Variants in BRF1 observed in about 807,000 individuals in gnomAD.
BRF1 encodes BRF1 general transcription factor IIIB subunit, also known as transcription factor IIIB 90 kDa subunit.
In BRF1, 59 loss-of-function variants were observed where a neutral mutation model predicts 81.7. The observed-to-expected ratio is 0.72, with a 90% CI of 0.59 to 0.90. The LOEUF (loss-of-function observed/expected upper bound fraction) is 0.90, where lower values mean the gene tolerates loss of function less well. Among genes scored for constraint, BRF1 ranks in the 40% least tolerant of loss-of-function variants. The pLI is 0.00. For missense variants in BRF1, 1,050 were observed against 936.3 expected (o/e 1.12, Z -1.58); for synonymous variants, 491 against 395.6 (o/e 1.24, Z -2.86).
intron 2 of BRF1, among the ~76,000 whole-genome samples, chr14:105,277,520 C>G (rs1337323414): frequency 7.7e-6 from 1 of 130,178 alleles, no homozygotes; most frequent in Admixed American, 7.5e-5. Flanking sequence ...AGAGGCGGCC[C>G]TCACTAGAGA....
At chr14:105,299,185 A>C (rs72711563) in intron 1 of BRF1, among the ~76,000 whole-genome samples, 2 of 152,104 alleles carry the variant, frequency 1.3e-5, no homozygotes, top group Admixed American at 6.6e-5. Context: ...AAGAAAAAAA[A>C]CTTCTGCTTT....
chr14:105,214,672 G>A (rs980370754), intron 15 of BRF1, among the ~76,000 whole-genome samples: 1 of 152,168 alleles, frequency 6.6e-6, no homozygotes, highest in African/African-American at 2.4e-5. Flanking sequence ...AAAGAGAAAG[G>A]GGGTGCAGCT....
chr14:105,211,257 G>A lies in BRF1; in HGVS notation c.1861C>T (p.Pro621Ser). 6.2e-7 allele frequency: 1 copy of A among 1,607,556 alleles called. No individual in the cohort carries two copies. Among genetic ancestry groups the A allele is most frequent in the Non-Finnish European group, 8.5e-7 (1 of 1,177,340 alleles). Residue 621 changes from proline to serine, a missense_variant, in exon 17 of 18, where the codon CCT (proline) becomes TCT (serine). By Grantham distance (74) the Pro-to-Ser change is moderately conservative. Transcript: ENST00000547530. The stretch of plus-strand genomic sequence containing the variant: ...ACCAGCACCGCCTGGGGCCTGGCAG[G>A]CTCAGCTCCGAGGGTGGGAGAGCTT... ...LPSSPTLGAE[P>S]ARPQAVLVES...
At chr14:105,250,890 A>C (rs930212037) in intron 5 of BRF1, 3 of 586,498 alleles carry the variant, frequency 5.1e-6, no homozygotes, top group Non-Finnish European at 9.2e-6. Flanking sequence ...TCTCAGGTGG[A>C]GGAAGATTTA....
At chr14:105,263,336 C>T (rs914572112) in intron 3 of BRF1, among the ~76,000 whole-genome samples, 2 of 151,786 alleles carry the variant, frequency 1.3e-5, no homozygotes, top group African/African-American at 4.8e-5. Context: ...CAGCCAGACA[C>T]GAGGGGCCAA....
chr14:105,218,013 C>T (rs1170929193), intron 14 of BRF1, among the ~76,000 whole-genome samples: 3 of 152,108 alleles, frequency 2.0e-5, no homozygotes, highest in Admixed American at 6.5e-5. Flanking sequence ...GAGTGGGGCA[C>T]GTGGCCTGGC....
At chr14:105,250,476 C>T (rs1478738643) in intron 5 of BRF1, 9 of 1,613,872 alleles carry the variant, frequency 5.6e-6, no homozygotes, top group East Asian at 2.2e-5. Flanking sequence ...TTTGAACACC[C>T]GGTCCAGGTT....
chr14:105,281,097 C>T (rs1241452488), intron 2 of BRF1, among the ~76,000 whole-genome samples: 1 of 146,492 alleles, frequency 6.8e-6, no homozygotes, highest in African/African-American at 2.6e-5. Context: ...GACCCTGAGC[C>T]CAGGTGTGTG....
chr14:105,212,039 C>A (rs587729896), intron 16 of BRF1, 74 bp downstream of exon 16: 13 of 1,572,826 alleles, frequency 8.3e-6, no homozygotes, highest in Admixed American at 1.8e-5. Context: ...TGGTCACAGA[C>A]CAAGCATCTG....
Position 105,223,627 on chromosome 14 carries a change from G to A in BRF1, c.1049-1713C>T, listed in dbSNP as rs191917948. 9.7e-4 allele frequency among the ~76,000 whole-genome samples: 148 copies of A among 152,352 alleles called. 1 individual carries two copies. The highest frequency in any genetic ancestry group is 1.8e-3 in the Admixed American group (28 of 15,306). On this transcript the variant is annotated intron_variant, in intron 10 of 17. Transcript: ENST00000547530. ...TTTATCGTGAAAAAAGTAGCTCACT[G>A]GTGGCCTGGGGCAGGAGGGGGGGTG... is the stretch of plus-strand genomic sequence containing the variant.
intron 10 of BRF1, chr14:105,222,155 G>T (rs770195871): frequency 2.2e-6 from 1 of 460,820 alleles, no homozygotes; most frequent in Non-Finnish European, 3.8e-6. Context: ...AGACAAAAAC[G>T]TAAAAGAAAA....
intron 2 of BRF1, among the ~76,000 whole-genome samples, chr14:105,281,652 G>A (rs896429527): frequency 6.6e-6 from 1 of 152,186 alleles, no homozygotes; most frequent in African/African-American, 2.4e-5. Context: ...CGGGGTCAGG[G>A]GAAGCTGTGT....
chr14:105,255,515 G>C (rs1410977737), intron 4 of BRF1, among the ~76,000 whole-genome samples: 1 of 152,212 alleles, frequency 6.6e-6, no homozygotes, highest in Non-Finnish European at 1.5e-5. Context: ...TGGGCACCTG[G>C]ATCTGGACAG....
chr14:105,282,761 C>T (rs1419802857), intron 2 of BRF1, among the ~76,000 whole-genome samples: 2 of 152,094 alleles, frequency 1.3e-5, no homozygotes, highest in Non-Finnish European at 2.9e-5. Context: ...GGCAAAACCA[C>T]GTCTCTACTA....
Position 105,248,174 on chromosome 14 carries a change from G to A in BRF1, c.544+4333C>T, listed in dbSNP as rs1308190922. On this transcript the variant is annotated intron_variant, in intron 5 of 17. Coordinates refer to ENST00000547530, the MANE Select transcript of BRF1 (RefSeq NM_001519.4). ...GTGGACCGCGCTCTCTGCAAGCGCT[G>A]GCTGCTGGCGTCCGTAGCAAGCTAA... The A allele has an allele frequency of 4.1e-6, 4 of 985,372 alleles. No homozygotes were observed. In the African/African-American group the frequency reaches 7.0e-5, roughly 17 times the overall value. The allele number at this position is 985,372 out of a possible 1,614,324, so 61.0% of individuals were successfully genotyped here. A position where few individuals can be genotyped will look rare whatever the true frequency, so the allele number is the denominator to read the frequency against.
At chr14:105,218,653 G>A (rs908170122) in intron 14 of BRF1, among the ~76,000 whole-genome samples, 7 of 152,200 alleles carry the variant, frequency 4.6e-5, no homozygotes, top group Non-Finnish European at 8.8e-5. Context: ...CATGACAGTC[G>A]GACTTTCCCA....
At chr14:105,242,832 G>A (rs754406467) in intron 5 of BRF1, among the ~76,000 whole-genome samples, 7 of 151,830 alleles carry the variant, frequency 4.6e-5, no homozygotes, top group Non-Finnish European at 7.4e-5. Context: ...AAATTTGGCC[G>A]GGGCCAGGTG....
intron 5 of BRF1, chr14:105,248,921 C>A: frequency 7.1e-6 from 7 of 985,958 alleles, no homozygotes; most frequent in Non-Finnish European, 8.4e-6. Context: ...CGGACCTAGC[C>A]AACAGCAACG....
intron 2 of BRF1, among the ~76,000 whole-genome samples, chr14:105,282,300 G>A (rs2057139039): frequency 6.6e-6 from 1 of 152,246 alleles, no homozygotes; most frequent in Admixed American, 6.5e-5. Context: ...GTGCACGGAG[G>A]CAAGCAGAGG....
Sources: gnomAD v4.1 joint callset for allele counts (sites outside exome capture counted in the v4.1 genomes callset) on GRCh38, gnomAD v4.1.1 for gene constraint, MANE v1.5 for transcripts, NCBI Gene and HGNC (gene_info 2026-07-23, HGNC 2026-07-21) for gene names.